PIK3AP1: variants seen among roughly 807,000 people sequenced by gnomAD.
PIK3AP1 encodes the protein phosphoinositide 3-kinase adapter protein 1.
Under a neutral mutation model 88.1 loss-of-function variants are expected in PIK3AP1, and 21 were observed. That is an observed-to-expected ratio of 0.24 (90% CI 0.17 to 0.34). The LOEUF is 0.34. PIK3AP1 is among the 10% of genes least tolerant of loss of function. The pLI, the probability that PIK3AP1 is intolerant of heterozygous loss-of-function variation, is 1.00. For synonymous variants in PIK3AP1, 398 were observed against 400.0 expected (o/e 1.00, Z 0.06); for missense variants, 828 against 1,035.7 (o/e 0.80, Z 2.75).
intron 6 of PIK3AP1, among the ~76,000 whole-genome samples, chr10:96,650,576 G>A (rs1843523442): frequency 1.3e-5 from 2 of 152,228 alleles, no homozygotes; most frequent in Admixed American, 6.5e-5. Context: ...AGACACAGCT[G>A]AGGAGTGCTA....
In PIK3AP1 at chr10:96,645,463, T is replaced by C; in HGVS notation, c.1375+10A>G. On this transcript the variant is annotated intron_variant, in intron 8 of 16. Coordinates refer to ENST00000339364, the MANE Select transcript of PIK3AP1 (RefSeq NM_152309.3). The stretch of plus-strand genomic sequence containing the variant: ...GAAAGGTGGAAGCAGAACTGGGTTG[T>C]GCTACTTACAGAGGTCTTCAGTGGC... 1.9e-6 allele frequency: 3 copies of C among 1,611,474 alleles called. No homozygotes were observed. The highest frequency in any genetic ancestry group is 2.5e-6 in the Non-Finnish European group (3 of 1,179,212).
chr10:96,644,315 C>T (rs537578717), intron 8 of PIK3AP1, among the ~76,000 whole-genome samples: 3 of 152,264 alleles, frequency 2.0e-5, no homozygotes, highest in South Asian at 4.1e-4. Context: ...TTAAAAAGTA[C>T]GTATGATACA....
At chr10:96,714,031 G>A (rs193010618) in intron 1 of PIK3AP1, among the ~76,000 whole-genome samples, 10 of 152,200 alleles carry the variant, frequency 6.6e-5, no homozygotes, top group Admixed American at 4.6e-4. Flanking sequence ...AAAATTAGCC[G>A]GGCATGGTGG....
intron 2 of PIK3AP1, among the ~76,000 whole-genome samples, chr10:96,687,838 G>A (rs573686798): frequency 4.6e-5 from 7 of 152,066 alleles, no homozygotes; most frequent in East Asian, 1.9e-4. Flanking sequence ...TCCTTCCTCC[G>A]CATGAACTGC....
chr10:96,669,284 C>G (rs6584097), intron 2 of PIK3AP1, among the ~76,000 whole-genome samples: 6,576 of 152,212 alleles, frequency 0.043, 475 homozygotes, highest in African/African-American at 0.15. Context: ...AGTGATGAAA[C>G]CACGAAACAG....
chr10:96,615,647 T>A (rs1849203045), intron 13 of PIK3AP1, among the ~76,000 whole-genome samples: 2 of 152,090 alleles, frequency 1.3e-5, no homozygotes, highest in African/African-American at 4.8e-5. Flanking sequence ...GAGGAAGGAA[T>A]ACCATGGCCT....
At chr10:96,692,970 A>G (rs976722225) in intron 2 of PIK3AP1, among the ~76,000 whole-genome samples, 7 of 152,158 alleles carry the variant, frequency 4.6e-5, no homozygotes, top group African/African-American at 1.7e-4. Context: ...GGCTTCCTAA[A>G]CCTGCCTTGT....
intron 2 of PIK3AP1, among the ~76,000 whole-genome samples, chr10:96,670,172 AAAGAG>A (rs1036358304): frequency 9.4e-5 from 14 of 149,408 alleles, no homozygotes; most frequent in Middle Eastern, 3.5e-3. Flanking sequence ...AAAAAAAAAA[AAAGAG>A]AGAGAGAGAG....
chr10:96,694,539 CTT>C (rs34190226), intron 2 of PIK3AP1, among the ~76,000 whole-genome samples: 4 of 107,586 alleles, frequency 3.7e-5, no homozygotes, highest in African/African-American at 9.9e-5. Context: ...TCCTTTCTTT[CTT>C]TTTTTTTTTT....
At chr10:96,660,502 C>G (rs1222171114) in intron 2 of PIK3AP1, among the ~76,000 whole-genome samples, 1 of 152,164 alleles carries the variant, frequency 6.6e-6, no homozygotes. Flanking sequence ...AGTGGAGCAA[C>G]AAGAACTTGC....
Position 96,645,580 on chromosome 10 carries a change from G to A in PIK3AP1, c.1268C>T (p.Ala423Val). The change falls in exon 8 of 17, where the codon GCC (alanine) becomes GTC (valine). Residue 423 changes from alanine to valine, a missense_variant. Physicochemically the swap from Ala to Val is moderately conservative, Grantham distance 64 (BLOSUM62 0). Transcript: ENST00000339364. ...EEADAVYESM[A>V]HLSTDLLMKC... Reference sequence around the variant, plus strand: ...CATAAGCAGGTCTGTGGAAAGGTGGGCCATGGACTCGTACACAGCATCAGC... The same window carrying A: ...CATAAGCAGGTCTGTGGAAAGGTGGACCATGGACTCGTACACAGCATCAGC... The A allele has an allele frequency of 3.1e-6, 5 of 1,613,924 alleles. No homozygotes were observed. Among genetic ancestry groups the A allele is most frequent in the Non-Finnish European group, 4.2e-6 (5 of 1,179,922 alleles).
At chr10:96,671,808 A>G (rs1050371149) in intron 2 of PIK3AP1, among the ~76,000 whole-genome samples, 4 of 152,142 alleles carry the variant, frequency 2.6e-5, no homozygotes, top group Non-Finnish European at 5.9e-5. Context: ...TGGGAGGCCA[A>G]GGCAAGCAGA....
intron 2 of PIK3AP1, among the ~76,000 whole-genome samples, chr10:96,677,164 T>C (rs1048849755): frequency 2.6e-5 from 4 of 152,126 alleles, no homozygotes; most frequent in African/African-American, 9.7e-5. Flanking sequence ...GGAACTGCCA[T>C]CATCAGGGAG....
intron 2 of PIK3AP1, among the ~76,000 whole-genome samples, chr10:96,677,626 C>CACACACACAA (rs1554960886): frequency 6.8e-6 from 1 of 146,412 alleles, no homozygotes; most frequent in Admixed American, 6.8e-5. Flanking sequence ...CACACACACA[C>CACACACACAA]AAAAGGCCTT....
chr10:96,657,396 T>C (rs1274442115), intron 2 of PIK3AP1, among the ~76,000 whole-genome samples: 2 of 152,186 alleles, frequency 1.3e-5, no homozygotes, highest in Admixed American at 6.5e-5. Context: ...GGCTAGCCAA[T>C]GTATCCCCTC....
chr10:96,598,100 A>C (rs1211311694), intron 16 of PIK3AP1, among the ~76,000 whole-genome samples: 1 of 147,480 alleles, frequency 6.8e-6, no homozygotes, highest in Non-Finnish European at 1.5e-5. Flanking sequence ...CTGGAATGCA[A>C]TGGCGCAATC....
At chr10:96,674,663 C>T (rs1262419156) in intron 2 of PIK3AP1, among the ~76,000 whole-genome samples, 1 of 152,200 alleles carries the variant, frequency 6.6e-6, no homozygotes, top group Non-Finnish European at 1.5e-5. Context: ...ATAAGACCAA[C>T]CACCTAAGTT....
intron 2 of PIK3AP1, among the ~76,000 whole-genome samples, chr10:96,683,743 C>G (rs1369860295): frequency 6.6e-6 from 1 of 152,210 alleles, no homozygotes; most frequent in Non-Finnish European, 1.5e-5. Context: ...GATGCTACTA[C>G]GTGCTGAGAG....
rs115583608 is a variant in PIK3AP1, at chr10:96,696,549, C to T, written c.430+13018G>A. 3.9e-3 allele frequency among the ~76,000 whole-genome samples: 592 copies of T among 152,262 alleles called. 3 individuals are homozygous for T. Among genetic ancestry groups the T allele is most frequent in the African/African-American group, 0.014 (577 of 41,540 alleles). On this transcript the variant is annotated intron_variant, in intron 2 of 16. Transcript: ENST00000339364. ...TGGTGGAAACCAAATTGAAAAGCTG[C>T]GAAAACATCCTGTAATAACAGGGAA...
Sources: allele counts gnomAD v4.1 joint callset (sites outside exome capture counted in the v4.1 genomes callset), GRCh38; gene constraint gnomAD v4.1.1; transcripts MANE v1.5; gene names NCBI Gene and HGNC (gene_info 2026-07-23, HGNC 2026-07-21).